The following CHODL variants were observed in gnomAD, a reference collection of about 807,000 sequenced individuals.
CHODL encodes chondrolectin.
A neutral mutation model predicts 34.5 loss-of-function variants in CHODL; 29 were observed. The observed-to-expected ratio is 0.84, with a 90% CI of 0.63 to 1.15. The LOEUF is 1.15. Among genes scored for constraint, CHODL ranks in the 50% most tolerant of loss-of-function variants. The pLI, the probability that CHODL is intolerant of heterozygous loss-of-function variation, is 0.00. For missense variants in CHODL, 332 were observed against 332.5 expected (o/e 1.00, Z 0.01); for synonymous variants, 125 against 116.1 (o/e 1.08, Z -0.49).
intron 2 of CHODL, among the ~76,000 whole-genome samples, chr21:18,178,055 G>A (rs1216046341): frequency 2.0e-5 from 3 of 152,068 alleles, no homozygotes; most frequent in African/African-American, 7.2e-5. Context: ...TAAGTATTAG[G>A]CATCAGTCTC....
chr21:18,068,924 A>T (rs920536064), intron 2 of CHODL, among the ~76,000 whole-genome samples: 6 of 152,192 alleles, frequency 3.9e-5, no homozygotes, highest in Middle Eastern at 3.4e-3. Flanking sequence ...CATTTTACTC[A>T]CAACAGTGGC....
chr21:18,082,976 C>A (rs996769097), intron 2 of CHODL, among the ~76,000 whole-genome samples: 3 of 150,980 alleles, frequency 2.0e-5, no homozygotes, highest in Non-Finnish European at 4.4e-5. Flanking sequence ...CAAAAATTTG[C>A]GTTAGTAAAA....
chr21:18,019,885 G>A (rs2064111650), intron 1 of CHODL, among the ~76,000 whole-genome samples: 1 of 152,038 alleles, frequency 6.6e-6, no homozygotes, highest in Non-Finnish European at 1.5e-5. Flanking sequence ...GCAGGGAGAA[G>A]CTCATAAGAC....
At chr21:18,013,749 C>T (rs1402413967) in intron 1 of CHODL, among the ~76,000 whole-genome samples, 1 of 149,408 alleles carries the variant, frequency 6.7e-6, no homozygotes, top group Non-Finnish European at 1.5e-5. Context: ...ATTCTCCTCT[C>T]TCAGCCTCCT....
chr21:18,151,573 G>A (rs747334263), intron 2 of CHODL, among the ~76,000 whole-genome samples: 14 of 152,146 alleles, frequency 9.2e-5, no homozygotes, highest in Non-Finnish European at 2.1e-4. Flanking sequence ...CCAAAAAACG[G>A]GTCATGAGAA....
At chr21:18,155,757 G>T (rs1038775763) in intron 2 of CHODL, among the ~76,000 whole-genome samples, 6 of 152,190 alleles carry the variant, frequency 3.9e-5, no homozygotes, top group African/African-American at 1.2e-4. Flanking sequence ...ACCCTGAATG[G>T]AATGTTGTTT....
intron 2 of CHODL, among the ~76,000 whole-genome samples, chr21:18,161,051 T>C (rs1478157641): frequency 6.6e-6 from 1 of 152,186 alleles, no homozygotes; most frequent in Non-Finnish European, 1.5e-5. Flanking sequence ...GGTATCTCAT[T>C]GTGGTTTTGA....
chr21:18,205,202 A>G (rs2073698559), intron 2 of CHODL, among the ~76,000 whole-genome samples: 1 of 152,228 alleles, frequency 6.6e-6, no homozygotes, highest in South Asian at 2.1e-4. Flanking sequence ...TTCCCCATTC[A>G]GTATGATACT....
intron 2 of CHODL, among the ~76,000 whole-genome samples, chr21:18,151,934 CAT>C (rs1369549553): frequency 6.6e-6 from 1 of 151,730 alleles, no homozygotes; most frequent in East Asian, 1.9e-4. Flanking sequence ...AGGATTTTAA[CAT>C]GTGGTTTTGA....
At chr21:18,096,324 A>G (rs1370136156) in intron 2 of CHODL, among the ~76,000 whole-genome samples, 1 of 152,226 alleles carries the variant, frequency 6.6e-6, no homozygotes, top group African/African-American at 2.4e-5. Context: ...CTAAAAAAGA[A>G]CAGGATAATA....
chr21:17,948,760 T>TA (rs1334787635), intron 1 of CHODL, among the ~76,000 whole-genome samples: 1 of 152,012 alleles, frequency 6.6e-6, no homozygotes, highest in African/African-American at 2.4e-5. Context: ...GAATCAGTAA[T>TA]AAAAAATCTC....
chr21:18,206,771 G>A (rs2073716324), intron 2 of CHODL, among the ~76,000 whole-genome samples: 2 of 150,186 alleles, frequency 1.3e-5, no homozygotes, highest in Non-Finnish European at 3.0e-5. Context: ...CTCTGGTGGT[G>A]TTCTACTTTC....
intron 2 of CHODL, among the ~76,000 whole-genome samples, chr21:18,094,921 CAAGA>C (rs1169740123): frequency 6.6e-6 from 1 of 151,910 alleles, no homozygotes; most frequent in Non-Finnish European, 1.5e-5. Flanking sequence ...GTTAGGAGTT[CAAGA>C]CCAGGCTGGC....
chr21:18,068,421 T>C (rs1337730599), intron 2 of CHODL, among the ~76,000 whole-genome samples: 1 of 152,180 alleles, frequency 6.6e-6, no homozygotes, highest in African/African-American at 2.4e-5. Flanking sequence ...GGTCTCAAAC[T>C]CCTGATCTCA....
intron 1 of CHODL, among the ~76,000 whole-genome samples, chr21:17,958,523 C>T (rs2063509353): frequency 6.6e-6 from 1 of 152,166 alleles, no homozygotes; most frequent in South Asian, 2.1e-4. Flanking sequence ...TGTCTGTGTG[C>T]AAAGCCAGCT....
intron 2 of CHODL, among the ~76,000 whole-genome samples, chr21:18,189,692 T>C (rs2073488153): frequency 6.8e-6 from 1 of 146,810 alleles, no homozygotes; most frequent in Non-Finnish European, 1.5e-5. Context: ...TGGAGTGCAG[T>C]GGTGCGATCT....
chr21:17,996,711 C>T (rs1024754492), intron 1 of CHODL, among the ~76,000 whole-genome samples: 1 of 152,156 alleles, frequency 6.6e-6, no homozygotes, highest in African/African-American at 2.4e-5. Flanking sequence ...TGAAAAGGAA[C>T]TTTTTAATAA....
intron 2 of CHODL, among the ~76,000 whole-genome samples, chr21:18,085,521 C>T (rs548134849): frequency 3.9e-4 from 59 of 152,130 alleles, no homozygotes; most frequent in African/African-American, 9.6e-4. Flanking sequence ...ATGTTTAAGA[C>T]GCCTCTGAGC....
intron 2 of CHODL, among the ~76,000 whole-genome samples, chr21:18,174,214 A>G (rs976716772): frequency 7.4e-5 from 10 of 135,022 alleles, no homozygotes; most frequent in Non-Finnish European, 1.6e-4. Context: ...TTACATTATC[A>G]AAGGAAATCC....
Sources: allele counts gnomAD v4.1 joint callset (sites outside exome capture counted in the v4.1 genomes callset), GRCh38; gene constraint gnomAD v4.1.1; transcripts MANE v1.5; gene names NCBI Gene and HGNC (gene_info 2026-07-23, HGNC 2026-07-21).